The following ZFP64 variants were observed in gnomAD, a reference collection of about 807,000 sequenced individuals.
ZFP64 encodes zinc finger protein 64.
A neutral mutation model predicts 51.6 loss-of-function variants in ZFP64; 14 were observed. The ratio of observed to expected loss-of-function variants is 0.27; its 90% CI spans 0.18 to 0.42. The LOEUF is 0.42. ZFP64 is among the 10% of genes least tolerant of loss of function. The pLI, the probability that ZFP64 is intolerant of heterozygous loss-of-function variation, is 1.00. For synonymous variants in ZFP64, 375 were observed against 361.4 expected (o/e 1.04, Z -0.43); for missense variants, 754 against 906.8 (o/e 0.83, Z 2.16).
chr20:52,092,188 AAG>A (rs2078934656), intron 7 of ZFP64, among the ~76,000 whole-genome samples: 1 of 152,220 alleles, frequency 6.6e-6, no homozygotes, highest in Admixed American at 6.5e-5. Context: ...TTAGCTCAAA[AAG>A]AGAGGATACC....
In ZFP64 at chr20:52,166,120, G is replaced by A. The variant is rs1215190728; in HGVS notation, c.287-95C>T. ...CTTTGTAGAGAGAATGCATGTACTA[G>A]TTTGCTTTCCCAGCCTCCCTTGCGG... On this transcript the variant is annotated intron_variant, in intron 2 of 5. Coordinates refer to ENST00000216923, the MANE Select transcript of ZFP64 (RefSeq NM_018197.3). 2.3e-6 allele frequency: 3 copies of A among 1,332,046 alleles called. No individual in the cohort carries two copies. The East Asian group carries it at 7.6e-5, about 34-fold the overall frequency. The allele number at this position is 1,332,046 out of a possible 1,614,324, so 82.5% of individuals were successfully genotyped here. A position where few individuals can be genotyped will look rare whatever the true frequency, so the allele number is the denominator to read the frequency against.
At position 52,160,777 on chromosome 20, in the gene ZFP64, T is replaced by C. The variant is rs772875488; in HGVS notation, c.512-403A>G. Among the ~76,000 whole-genome samples the C allele has an allele frequency of 7.2e-5, 11 of 152,358 alleles. 1 individual carries two copies. In the South Asian group the frequency reaches 1.0e-3, roughly 14 times the overall value. ...AATACCTAAGTTTCAGCAGAGTTCATGGCTCACCAGGGAAAGATTACACTT... is the reference window on the plus strand; with the variant it reads ...AATACCTAAGTTTCAGCAGAGTTCACGGCTCACCAGGGAAAGATTACACTT... On this transcript the variant is annotated intron_variant, in intron 4 of 5. Coordinates refer to ENST00000216923, the MANE Select transcript of ZFP64 (RefSeq NM_018197.3). The surrounding 1 kb of genome is among the most constrained non-coding windows in gnomAD (Gnocchi z 4.2).
chr20:52,153,102 T>C lies in ZFP64; in HGVS notation c.1090A>G (p.Ile364Val). Residue 364 changes from isoleucine (I) to valine (V), a missense_variant, in exon 6 of 6, where the codon ATC becomes GTC. Physicochemically the swap from Ile to Val is conservative, Grantham distance 29 (BLOSUM62 3). Around this residue, in one of 3 missense-constraint regions of ZFP64, gnomAD observed 428 missense variants for 472.4 expected, o/e 0.91. Transcript: ENST00000216923. This position sits in a 1 kb window ranked among gnomAD's most constrained non-coding sequence, Gnocchi z 5.1. ...SKAALRIHERIHCTDRPFKCN... is the reference protein window; with the variant it reads ...SKAALRIHERVHCTDRPFKCN... The stretch of plus-strand genomic sequence containing the variant: ...TTGAAAGGGCGGTCGGTGCAGTGGA[T>C]ACGCTCGTGGATGCGCAGGGCGGCC... 6.2e-7 allele frequency: 1 copy of C among 1,614,206 alleles called. No individual in the cohort carries two copies. Among genetic ancestry groups the C allele is most frequent in the Non-Finnish European group, 8.5e-7 (1 of 1,180,032 alleles).
chr20:52,125,396 C>A (rs2122864446), intron 5 of ZFP64, among the ~76,000 whole-genome samples: 1 of 152,324 alleles, frequency 6.6e-6, no homozygotes, highest in South Asian at 2.1e-4. Context: ...TCTTCCAAGA[C>A]TGCCTATGAT....
At chr20:52,183,414 C>T (rs76791015) in intron 2 of ZFP64, among the ~76,000 whole-genome samples, 3,414 of 152,200 alleles carry the variant, frequency 0.022, 119 homozygotes, top group African/African-American at 0.079. Context: ...TTTTGGTTTT[C>T]GAGGACAAGA....
chr20:52,084,634 C>T (rs1375541539), exon 9 of ZFP64: 8 of 1,614,068 alleles, frequency 5.0e-6, no homozygotes, highest in African/African-American at 1.3e-5. Flanking sequence ...CCCGAGGCAC[C>T]GCTTTCCGGT....
At chr20:52,158,067 C>T (rs1981470152) in intron 5 of ZFP64, among the ~76,000 whole-genome samples, 1 of 152,184 alleles carries the variant, frequency 6.6e-6, no homozygotes, top group Admixed American at 6.5e-5. Context: ...TCCAGTCTAT[C>T]ATTGATGGGC....
chr20:52,112,487 A>G (rs1223384284), intron 5 of ZFP64, among the ~76,000 whole-genome samples: 2 of 152,226 alleles, frequency 1.3e-5, no homozygotes, highest in Non-Finnish European at 2.9e-5. Flanking sequence ...TTCAATCCAT[A>G]TATTAAATGG....
At chr20:52,091,392 T>G (rs781360763) in intron 7 of ZFP64, among the ~76,000 whole-genome samples, 1 of 152,048 alleles carries the variant, frequency 6.6e-6, no homozygotes, top group Non-Finnish European at 1.5e-5. Context: ...CACTAAATGC[T>G]CTGAAGATAC....
At chr20:52,164,035 G>A (rs1413989194) in intron 4 of ZFP64, among the ~76,000 whole-genome samples, 2 of 152,160 alleles carry the variant, frequency 1.3e-5, no homozygotes, top group African/African-American at 4.8e-5. Flanking sequence ...TTTTGGCCAG[G>A]TGCAGTGGCT....
intron 2 of ZFP64, among the ~76,000 whole-genome samples, chr20:52,177,123 G>T (rs1194960608): frequency 1.3e-5 from 2 of 151,418 alleles, no homozygotes; most frequent in African/African-American, 2.4e-5. Flanking sequence ...TAGTGCCAGT[G>T]GGTTTCCATC....
At chr20:52,161,018 G>C (rs900894360) in intron 4 of ZFP64, among the ~76,000 whole-genome samples, 1 of 152,158 alleles carries the variant, frequency 6.6e-6, no homozygotes, top group Non-Finnish European at 1.5e-5. Context: ...GGGCAGGTGA[G>C]TGAGCAGCTG....
chr20:52,138,622 T>C (rs1302433109), intron 5 of ZFP64, among the ~76,000 whole-genome samples: 4 of 151,250 alleles, frequency 2.6e-5, no homozygotes, highest in Non-Finnish European at 4.4e-5. Context: ...ACAAACTTTA[T>C]ATGCATCAAA....
intron 5 of ZFP64, among the ~76,000 whole-genome samples, chr20:52,112,092 A>AC (rs1199537379): frequency 5.1e-5 from 7 of 137,724 alleles, no homozygotes; most frequent in African/African-American, 1.9e-4. Context: ...CAAAAAAAAA[A>AC]AAAAAAAACA....
At position 52,160,010 on chromosome 20, in the gene ZFP64, T is replaced by C; in HGVS notation, c.763+113A>G. 1 of 1,534,172 alleles carries C rather than the reference T, an allele frequency of 6.5e-7. No homozygotes were observed. The highest frequency in any genetic ancestry group is 8.8e-7 in the Non-Finnish European group (1 of 1,135,828). On this transcript the variant is annotated intron_variant, in intron 5 of 5. Transcript: ENST00000216923. This position sits in a 1 kb window ranked among gnomAD's most constrained non-coding sequence, Gnocchi z 4.2. ...AAAAACAAAACTGCAAACAACGGGATGAGCAAAGGTTCCAACTCGATTTCT... is the reference window on the plus strand; with the variant it reads ...AAAAACAAAACTGCAAACAACGGGACGAGCAAAGGTTCCAACTCGATTTCT...
At chr20:52,110,533 C>T (rs1265705354) in intron 5 of ZFP64, 2 of 722,890 alleles carry the variant, frequency 2.8e-6, no homozygotes, top group South Asian at 3.1e-5. Flanking sequence ...TTGCTCGGCC[C>T]AGTTCTTCTC....
At chr20:52,121,374 A>G (rs572262095) in intron 5 of ZFP64, among the ~76,000 whole-genome samples, 33 of 151,086 alleles carry the variant, frequency 2.2e-4, no homozygotes, top group African/African-American at 7.3e-4. Flanking sequence ...GTGCTACTCC[A>G]GTGAACACAT....
intron 5 of ZFP64, among the ~76,000 whole-genome samples, chr20:52,125,617 C>T (rs559855494): frequency 6.6e-6 from 1 of 152,306 alleles, no homozygotes; most frequent in East Asian, 1.9e-4. Context: ...ACGTGGTTGT[C>T]CAGCTCCTAG....
At position 52,143,678 on chromosome 20, in the gene ZFP64, G is replaced by T. The variant is rs536741346; in HGVS notation, c.763+16445C>A. ...AGCCTCTAGAGTAGTTGGGGCTACAGGTGCACACCACCACACCCGGCCAAT... is the reference window on the plus strand; with the variant it reads ...AGCCTCTAGAGTAGTTGGGGCTACATGTGCACACCACCACACCCGGCCAAT... On this transcript the variant is annotated intron_variant, in intron 5 of 8. Transcript: ENST00000361387. 1.5e-5 allele frequency among the ~76,000 whole-genome samples: 2 copies of T among 132,610 alleles called. 1 individual carries two copies. The highest frequency in any genetic ancestry group is 5.3e-4 in the South Asian group (2 of 3,796). 87.0% of individuals were successfully genotyped at this position (132,610 alleles called of 152,430 possible).
Sources: allele counts gnomAD v4.1 joint callset (sites outside exome capture counted in the v4.1 genomes callset), GRCh38; gene constraint gnomAD v4.1.1; regional missense constraint gnomAD v4.1.1; non-coding constraint Gnocchi (gnomAD v3.1); transcripts MANE v1.5; gene names NCBI Gene and HGNC (gene_info 2026-07-23, HGNC 2026-07-21).